Variants in FNTB observed in about 807,000 individuals in gnomAD.
FNTB encodes protein farnesyltransferase subunit beta.
FNTB carries 27 observed loss-of-function variants against 59.4 expected under a neutral mutation model. The observed-to-expected ratio is 0.45, with a 90% CI of 0.34 to 0.63. FNTB has a LOEUF of 0.63. Among genes scored for constraint, FNTB ranks in the 20% least tolerant of loss-of-function variants. The pLI, the probability that FNTB is intolerant of heterozygous loss-of-function variation, is 0.02. For missense variants in FNTB, 449 were observed against 559.6 expected (o/e 0.80, Z 1.99); for synonymous variants, 230 against 220.7 (o/e 1.04, Z -0.37).
At position 65,004,284 on chromosome 14, in the gene FNTB, T is replaced by G; in HGVS notation, c.180T>G (p.Ser60Arg). ...AAGAAAAGATCCAAGAGGTCTTCAG[T>G]TCTTACAAGTTCAACCACCTTGTAC... ...KVEEKIQEVF[S>R]SYKFNHLVPR... is the part of the protein sequence containing the mutation. The change falls in exon 2 of 12, where the codon AGT (serine) becomes AGG (arginine). Residue 60 changes from serine (S) to arginine (R), a missense_variant. Around this residue, in one of 2 missense-constraint regions of FNTB, gnomAD observed 112 missense variants for 80.5 expected, o/e 1.39. Transcript: ENST00000246166. 3 of 1,613,232 alleles carry G rather than the reference T, an allele frequency of 1.9e-6. No homozygotes were observed. The highest frequency in any genetic ancestry group is 2.5e-6 in the Non-Finnish European group (3 of 1,179,520).
At chr14:65,021,406 G>A (rs111614126) in intron 4 of FNTB, among the ~76,000 whole-genome samples, 6 of 152,054 alleles carry the variant, frequency 3.9e-5, no homozygotes, top group African/African-American at 7.2e-5. Context: ...GCTTATCCCC[G>A]GAATAGCCCC....
intron 9 of FNTB, among the ~76,000 whole-genome samples, chr14:65,051,726 C>T (rs1201171322): frequency 6.6e-6 from 1 of 150,886 alleles, no homozygotes; most frequent in Non-Finnish European, 1.5e-5. Context: ...CCCCGTTTTT[C>T]TTTTTTGCTA....
In FNTB at chr14:65,014,398, G is replaced by T. The variant is rs1289159982; in HGVS notation, c.283-1227G>T. On this transcript the variant is annotated intron_variant, in intron 3 of 11. Coordinates refer to ENST00000246166, the MANE Select transcript of FNTB (RefSeq NM_002028.4). The surrounding 1 kb of genome is among the most constrained non-coding windows in gnomAD (Gnocchi z 5.1). Reference sequence around the variant, plus strand: ...CAAAACTCTGTTTTCGTCCATTACAGCATTTCTCCAGGTATATGTACACGT... The same window carrying T: ...CAAAACTCTGTTTTCGTCCATTACATCATTTCTCCAGGTATATGTACACGT... Among the ~76,000 whole-genome samples, 1 of 152,098 alleles carries T rather than the reference G, an allele frequency of 6.6e-6. No homozygotes were observed. Among genetic ancestry groups the T allele is most frequent in the Non-Finnish European group, 1.5e-5 (1 of 68,028 alleles).
rs181482709 is a variant in FNTB at position 65,048,082 on chromosome 14, A to G, written c.955+3639A>G. ...GGCTCACTGTAGCCTCCTCGGTTCA[A>G]TTGATTTTCTTGCCTCAGCCTCCTG... On this transcript the variant is annotated intron_variant, in intron 9 of 11. Coordinates refer to ENST00000246166, the MANE Select transcript of FNTB (RefSeq NM_002028.4). 2.6e-4 allele frequency among the ~76,000 whole-genome samples: 36 copies of G among 138,954 alleles called. No homozygotes were observed. The East Asian group carries it at 6.6e-3, about 26-fold the overall frequency. The allele number at this position is 138,954 out of a possible 152,430, so 91.2% of individuals were successfully genotyped here.
chr14:64,988,716 G>A (rs1888059367), intron 1 of FNTB, among the ~76,000 whole-genome samples: 1 of 152,164 alleles, frequency 6.6e-6, no homozygotes, highest in Non-Finnish European at 1.5e-5. Context: ...ACAGTCGTGA[G>A]CCACTGCTCC....
intron 11 of FNTB, among the ~76,000 whole-genome samples, chr14:65,059,211 C>T (rs2062808204): frequency 6.6e-6 from 1 of 152,052 alleles, no homozygotes; most frequent in East Asian, 1.9e-4. Context: ...TTTGTAGAGA[C>T]AGGGTTTTGC....
chr14:64,994,085 C>G lies in FNTB; in HGVS notation c.144+6988C>G, dbSNP rs552764219. Among the ~76,000 whole-genome samples, 125 of 152,224 alleles carry G rather than the reference C, an allele frequency of 8.2e-4. No individual in the cohort carries two copies. Among genetic ancestry groups the G allele is most frequent in the African/African-American group, 2.8e-3 (118 of 41,532 alleles). On this transcript the variant is annotated intron_variant, in intron 1 of 11. Coordinates refer to ENST00000246166, the MANE Select transcript of FNTB (RefSeq NM_002028.4). This position sits in a 1 kb window ranked among gnomAD's most constrained non-coding sequence, Gnocchi z 4.2. ...GACCAGGCTGGTCTCAAACTCCTGA[C>G]CTCAAATGATCCACCCGCTTCCACC...
rs143519658 is a variant in FNTB at position 65,040,991 on chromosome 14, G to C, written c.822+72G>C. ...GATGTGATTGTACTCAGACATGCAG[G>C]CTTCAGGAGAGTTTGGCTATGGGAA... On this transcript the variant is annotated intron_variant, in intron 8 of 11. Transcript: ENST00000246166. The C allele has an allele frequency of 6.0e-4, 946 of 1,571,530 alleles. 10 individuals carry two copies. In the African/African-American group the frequency reaches 0.012, roughly 20 times the overall value.
chr14:65,054,660 G>T lies in FNTB; in HGVS notation c.1153G>T (p.Val385Leu), dbSNP rs147425358. The stretch of plus-strand genomic sequence containing the variant: ...CGGCAGCGGAGCCATGTTGCATGAT[G>T]TGGTCCTGGGTGTGCCCGAAAACGC... The part of the protein sequence containing the change: ...HFGSGAMLHD[V>L]VLGVPENALQ... The change falls in exon 11 of 12, where the codon GTG (valine) becomes TTG (leucine). Residue 385 changes from valine to leucine, a missense_variant. Physicochemically the swap from Val to Leu is conservative, Grantham distance 32. Around this residue, in one of 2 missense-constraint regions of FNTB, gnomAD observed 337 missense variants for 479.1 expected, o/e 0.70. Coordinates refer to ENST00000246166, the MANE Select transcript of FNTB (RefSeq NM_002028.4). This position sits in a 1 kb window ranked among gnomAD's most constrained non-coding sequence, Gnocchi z 4.4. The T allele has an allele frequency of 2.0e-5, 33 of 1,612,916 alleles. 1 individual carries two copies. The African/African-American group carries it at 4.3e-4, about 21-fold the overall frequency.
At chr14:65,020,435 C>T (rs2061863115) in intron 4 of FNTB, among the ~76,000 whole-genome samples, 1 of 146,108 alleles carries the variant, frequency 6.8e-6, no homozygotes, top group African/African-American at 2.8e-5. Context: ...TTCAGCTTGC[C>T]TCTTTTTTTT....
intron 7 of FNTB, among the ~76,000 whole-genome samples, chr14:65,038,604 C>T (rs943244575): frequency 8.9e-5 from 13 of 145,962 alleles, no homozygotes; most frequent in African/African-American, 3.3e-4. Flanking sequence ...TGTAATCCCA[C>T]GTACTCAGGA....
intron 3 of FNTB, 130 bp from the exon 4 acceptor site, chr14:65,015,495 A>G (rs892345621): frequency 2.0e-6 from 1 of 492,916 alleles, no homozygotes; most frequent in African/African-American, 2.3e-5. Context: ...TTATTCACTG[A>G]TTGTTGTTTG....
intron 11 of FNTB, among the ~76,000 whole-genome samples, chr14:65,057,162 C>T (rs1157443863): frequency 6.6e-6 from 1 of 152,224 alleles, no homozygotes; most frequent in Non-Finnish European, 1.5e-5. Flanking sequence ...ACAAACCCCA[C>T]CTCTCAACAT....
rs1423997045 is a variant in FNTB, at chr14:64,991,462, G to A, written c.144+4365G>A. ...ACTAAAAAAATACAAAAATTAGCTA[G>A]GCGTGGTGGTGTGCACCTGTAATAC... On this transcript the variant is annotated intron_variant, in intron 1 of 11. Coordinates refer to ENST00000246166, the MANE Select transcript of FNTB (RefSeq NM_002028.4). This position sits in a 1 kb window ranked among gnomAD's most constrained non-coding sequence, Gnocchi z 4.4. Among the ~76,000 whole-genome samples, 1 of 152,052 alleles carries A rather than the reference G, an allele frequency of 6.6e-6. No homozygotes were observed. The highest frequency in any genetic ancestry group is 1.5e-5 in the Non-Finnish European group (1 of 68,014).
rs1487749821 is a variant in FNTB, at chr14:65,012,338, G to A, written c.231G>A (p.Lys77=). The change falls in exon 3 of 12, where the codon AAG becomes AAA. Residue 77 remains lysine (K), a synonymous_variant. Coordinates refer to ENST00000246166, the MANE Select transcript of FNTB (RefSeq NM_002028.4). This position sits in a 1 kb window ranked among gnomAD's most constrained non-coding sequence, Gnocchi z 5.0. The part of the protein sequence containing the change: ...LVPRLVLQRE[K]HFHYLKRGLR... ...CCAGGCTTGTTTTGCAGAGGGAGAAGCACTTCCATTATCTGAAAAGAGGCC... is the reference window on the plus strand; with the variant it reads ...CCAGGCTTGTTTTGCAGAGGGAGAAACACTTCCATTATCTGAAAAGAGGCC... 6.2e-7 allele frequency: 1 copy of A among 1,613,788 alleles called. No individual in the cohort carries two copies.
At chr14:65,020,615 G>A (rs980956894) in intron 4 of FNTB, among the ~76,000 whole-genome samples, 29 of 151,916 alleles carry the variant, frequency 1.9e-4, no homozygotes, top group African/African-American at 6.3e-4. Context: ...TGTATTTTTA[G>A]TAGAGATTGG....
chr14:65,011,474 C>G lies in FNTB; in HGVS notation c.210-843C>G, dbSNP rs2061683127. Among the ~76,000 whole-genome samples, 1 of 150,100 alleles carries G rather than the reference C, an allele frequency of 6.7e-6. No homozygotes were observed. Among genetic ancestry groups the G allele is most frequent in the Non-Finnish European group, 1.5e-5 (1 of 67,682 alleles). ...AAAAGACTGCATGAAGGCTCTTACTCTGAGCCAAGTACAGTGGGAATTTGA... is the reference window on the plus strand; with the variant it reads ...AAAAGACTGCATGAAGGCTCTTACTGTGAGCCAAGTACAGTGGGAATTTGA... On this transcript the variant is annotated intron_variant, in intron 2 of 11. Coordinates refer to ENST00000246166, the MANE Select transcript of FNTB (RefSeq NM_002028.4). The surrounding 1 kb of genome is among the most constrained non-coding windows in gnomAD (Gnocchi z 4.0).
At chr14:65,006,423 A>G (rs532379038) in intron 2 of FNTB, 1 of 1,349,932 alleles carries the variant, frequency 7.4e-7, no homozygotes, top group African/African-American at 1.5e-5. Context: ...ACAGCTAGAG[A>G]TTAGCAAATG....
rs2062875424 is a variant in FNTB at position 65,062,109 on chromosome 14, A to C, written c.*797A>C. On this transcript the variant is annotated 3_prime_UTR_variant, in exon 12 of 12. Transcript: ENST00000246166. The surrounding 1 kb of genome is among the most constrained non-coding windows in gnomAD (Gnocchi z 4.3). The stretch of plus-strand genomic sequence containing the variant: ...CACTCCTCCCTATCATGTACCGTGA[A>C]AACCCCCTCTGATGGCCTCAAGGCA... 1 of 152,338 alleles carries C rather than the reference A, an allele frequency of 6.6e-6. No individual in the cohort carries two copies. The highest frequency in any genetic ancestry group is 2.4e-5 in the African/African-American group (1 of 41,460). 9.4% of individuals were successfully genotyped at this position (152,338 alleles called of 1,614,324 possible).
Sources: gnomAD v4.1 joint callset for allele counts (sites outside exome capture counted in the v4.1 genomes callset) on GRCh38, gnomAD v4.1.1 for gene constraint, gnomAD v4.1.1 regional missense constraint, Gnocchi (gnomAD v3.1) non-coding constraint, MANE v1.5 for transcripts, NCBI Gene and HGNC (gene_info 2026-07-23, HGNC 2026-07-21) for gene names.